ZC3H13: variants seen among roughly 807,000 people sequenced by gnomAD.
ZC3H13 encodes zinc finger CCCH-type containing 13, also known as zinc finger CCCH domain-containing protein 13.
ZC3H13 carries 64 observed loss-of-function variants against 204.1 expected under a neutral mutation model. The ratio of observed to expected loss-of-function variants is 0.31; its 90% confidence interval spans 0.26 to 0.39. ZC3H13 has a LOEUF of 0.39. ZC3H13 is among the 10% of genes least tolerant of loss of function. ZC3H13 has a pLI of 1.00. For missense variants in ZC3H13, 1,833 were observed against 2,082.7 expected (o/e 0.88, Z 2.33); for synonymous variants, 667 against 693.7 (o/e 0.96, Z 0.60).
rs774851572 is a variant in ZC3H13, at chr13:45,957,190, A to G, written c.4947T>C (p.His1649=). The change falls in exon 19 of 19, where the codon CAT becomes CAC. Residue 1649 remains histidine (H), a synonymous_variant. Coordinates refer to ENST00000679008, the MANE Select transcript of ZC3H13 (RefSeq NM_001330564.2). ...AAAGTTTATTATCTTCAGTCTTTTC[A>G]TGTCCTGGAGCATGGCAAGTAGTCT... ...KRKTTCHAPG[H]EKTEDNKLSQ... 1.3e-6 allele frequency: 2 copies of G among 1,548,518 alleles called. No homozygotes were observed. Among genetic ancestry groups the G allele is most frequent in the Admixed American group, 2.0e-5 (1 of 50,876 alleles).
At chr13:45,991,583 A>G (rs921290369) in intron 8 of ZC3H13, among the ~76,000 whole-genome samples, 1 of 152,240 alleles carries the variant, frequency 6.6e-6, no homozygotes, top group South Asian at 2.1e-4. Flanking sequence ...CACTTAGAAT[A>G]GAAGTAACTT....
rs950530608 is a variant in ZC3H13 at position 45,956,354 on chromosome 13, A to C, written c.*773T>G. The C allele has an allele frequency of 2.6e-5, 4 of 152,184 alleles. No individual in the cohort carries two copies. The highest frequency in any genetic ancestry group is 5.9e-5 in the Non-Finnish European group (4 of 68,008). The allele number at this position is 152,184 out of a possible 1,614,324, so 9.4% of individuals were successfully genotyped here. On this transcript the variant is annotated 3_prime_UTR_variant, in exon 19 of 19. Coordinates refer to ENST00000679008, the MANE Select transcript of ZC3H13 (RefSeq NM_001330564.2). ...TCCAACAATAAGGACACAAGCAGTAAAATATCTGAAGCATGAAACATGTAA... is the reference window on the plus strand; with the variant it reads ...TCCAACAATAAGGACACAAGCAGTACAATATCTGAAGCATGAAACATGTAA...
chr13:46,012,709 G>C (rs952647700), intron 5 of ZC3H13, among the ~76,000 whole-genome samples: 5 of 152,088 alleles, frequency 3.3e-5, no homozygotes, highest in African/African-American at 1.2e-4. Flanking sequence ...TTTTCAGTCA[G>C]AAAGCAATTA....
chr13:45,985,723 C>T lies in ZC3H13; in HGVS notation c.1294G>A (p.Glu432Lys). Residue 432 changes from glutamate to lysine, a missense_variant, in exon 10 of 19, where the codon GAA becomes AAA. Transcript: ENST00000679008. ...GKRDREKDSR[E>K]EREYEQDQSS... ...TGATCCTGTTCATATTCTCGTTCTT[C>T]TCTTGAGTCCTTTTCTCTGTCTCGT... 6.2e-7 allele frequency: 1 copy of T among 1,612,838 alleles called. No homozygotes were observed. Among genetic ancestry groups the T allele is most frequent in the Non-Finnish European group, 8.5e-7 (1 of 1,179,662 alleles).
chr13:45,962,935 C>A, intron 17 of ZC3H13: 1 of 985,362 alleles, frequency 1.0e-6, no homozygotes, highest in Non-Finnish European at 1.2e-6. Flanking sequence ...AACCAAACAA[C>A]CCCTACCACC....
At position 45,969,469 on chromosome 13, in the gene ZC3H13, A is replaced by T. The variant is rs777375626; in HGVS notation, c.3075T>A (p.Ser1025Arg). Residue 1025 changes from serine to arginine, a missense_variant, in exon 14 of 19, where the codon AGT becomes AGA. Around this residue, in one of 5 missense-constraint regions of ZC3H13, gnomAD observed 1,574 missense variants for 1,757.2 expected, o/e 0.90. Transcript: ENST00000679008. ...GAGTCCGTGGGCCTCTTTTCTTCTT[A>T]CTTTGCTGGGCTGCTTCTTCATCAG... ...DISDEEAAQQ[S>R]KKKRGPRTPP... 1 of 1,612,864 alleles carries T rather than the reference A, an allele frequency of 6.2e-7. No individual in the cohort carries two copies. Among genetic ancestry groups the T allele is most frequent in the Non-Finnish European group, 8.5e-7 (1 of 1,179,730 alleles).
chr13:45,989,186 T>C lies in ZC3H13; in HGVS notation c.945-89A>G, dbSNP rs2039787017. ...ATCTTTAAAAACAAAAAAGTGAATA[T>C]GAAAGTATAGACAATAACTTCAGAA... is the stretch of plus-strand genomic sequence containing the variant. On this transcript the variant is annotated intron_variant, in intron 8 of 18. Coordinates refer to ENST00000679008, the MANE Select transcript of ZC3H13 (RefSeq NM_001330564.2). 4.0e-6 allele frequency: 5 copies of C among 1,249,404 alleles called. No individual in the cohort carries two copies. The East Asian group carries it at 7.5e-5, about 19-fold the overall frequency. The allele number at this position is 1,249,404 out of a possible 1,614,324, so 77.4% of individuals were successfully genotyped here. A position where few individuals can be genotyped will look rare whatever the true frequency, so the allele number is the denominator to read the frequency against.
At chr13:46,025,464 C>T (rs138560706) in intron 4 of ZC3H13, among the ~76,000 whole-genome samples, 23 of 152,032 alleles carry the variant, frequency 1.5e-4, no homozygotes, top group African/African-American at 5.3e-4. Context: ...ACCACTACGC[C>T]CAGCTAATTA....
Position 45,956,517 on chromosome 13 carries a change from G to A in ZC3H13, c.*610C>T, listed in dbSNP as rs1035875925. 1.3e-5 allele frequency: 2 copies of A among 151,864 alleles called. No homozygotes were observed. Among genetic ancestry groups the A allele is most frequent in the African/African-American group, 4.8e-5 (2 of 41,330 alleles). 9.4% of individuals were successfully genotyped at this position (151,864 alleles called of 1,614,324 possible). A position where few individuals can be genotyped will look rare whatever the true frequency, so the allele number is the denominator to read the frequency against. ...TCTGATAACAAAAAAAGCATTTAGG[G>A]TCAAAAGACATCCAACATACATTGT... On this transcript the variant is annotated 3_prime_UTR_variant, in exon 19 of 19. Transcript: ENST00000679008.
At chr13:45,959,759 T>C in intron 17 of ZC3H13, 113 bp from the exon 18 acceptor site, 1 of 1,197,698 alleles carries the variant, frequency 8.3e-7, no homozygotes, top group Non-Finnish European at 1.1e-6. Context: ...GCAACATTGG[T>C]GAAAATTATT....
intron 5 of ZC3H13, 47 bp downstream of exon 5, chr13:46,020,402 G>A: frequency 1.4e-6 from 2 of 1,445,136 alleles, no homozygotes; most frequent in Non-Finnish European, 1.9e-6. Context: ...ACTCTAGAAA[G>A]TAAATAATCA....
chr13:46,020,679 AAT>A lies in ZC3H13; in HGVS notation c.340-124_340-123del, dbSNP rs1490415906. 4.5e-6 allele frequency: 3 copies of A among 664,404 alleles called. No individual in the cohort carries two copies. The East Asian group carries it at 9.0e-5, about 20-fold the overall frequency. 41.2% of individuals were successfully genotyped at this position (664,404 alleles called of 1,614,324 possible). The stretch of plus-strand genomic sequence containing the variant: ...GTTTCATCAAAGAATCAGTTTTGTA[AAT>A]AGTCACTTATCCACTAAGTAGAGAA... On this transcript the variant is annotated intron_variant, in intron 4 of 18. Transcript: ENST00000679008.
chr13:45,978,285 C>CAAGTGCCTAGCA (rs1953237288), intron 11 of ZC3H13, among the ~76,000 whole-genome samples: 1 of 152,020 alleles, frequency 6.6e-6, no homozygotes, highest in South Asian at 2.1e-4. Context: ...TATTGTACCT[C>CAAGTGCCTAGCA]AAGTGCCTAG....
Position 45,965,427 on chromosome 13 carries a change from C to T in ZC3H13, c.4327G>A (p.Asp1443Asn). 2 of 1,612,404 alleles carry T rather than the reference C, an allele frequency of 1.2e-6. No individual in the cohort carries two copies. The highest frequency in any genetic ancestry group is 1.1e-5 in the South Asian group (1 of 90,816). The change falls in exon 16 of 19, where the codon GAT (aspartate) becomes AAT (asparagine). Residue 1443 changes from aspartate (D) to asparagine (N), a missense_variant. Around this residue, in one of 5 missense-constraint regions of ZC3H13, gnomAD observed 1,574 missense variants for 1,757.2 expected, o/e 0.90. Coordinates refer to ENST00000679008, the MANE Select transcript of ZC3H13 (RefSeq NM_001330564.2). ...SERTESLEAG[D>N]DESKLDDAHS... ...GCATCATCTAACTTGGACTCGTCATCTCCTGCTAAATAGACAAATTAATTT... is the reference window on the plus strand; with the variant it reads ...GCATCATCTAACTTGGACTCGTCATTTCCTGCTAAATAGACAAATTAATTT...
At chr13:46,033,950 A>G (rs1006316203) in intron 4 of ZC3H13, among the ~76,000 whole-genome samples, 1 of 152,168 alleles carries the variant, frequency 6.6e-6, no homozygotes, top group African/African-American at 2.4e-5. Context: ...ACAGAATATT[A>G]CCAATTGGTA....
chr13:45,997,468 G>A (rs2040423054), intron 8 of ZC3H13, among the ~76,000 whole-genome samples: 1 of 152,042 alleles, frequency 6.6e-6, no homozygotes, highest in South Asian at 2.1e-4. Flanking sequence ...CACATACACA[G>A]GCAAAGTTTT....
chr13:46,046,218 A>G (rs1367519915), intron 1 of ZC3H13, among the ~76,000 whole-genome samples: 2 of 152,212 alleles, frequency 1.3e-5, no homozygotes, highest in African/African-American at 4.8e-5. Flanking sequence ...TCTATAATCT[A>G]TACTACACTG....
chr13:45,967,374 C>G (rs904089736), intron 15 of ZC3H13, 130 bp downstream of exon 15: 11 of 1,029,464 alleles, frequency 1.1e-5, no homozygotes, highest in African/African-American at 1.6e-5. Flanking sequence ...AAATCTACTT[C>G]CTCTATAGAA....
chr13:45,992,613 C>T (rs1162141078), intron 8 of ZC3H13, among the ~76,000 whole-genome samples: 2 of 152,168 alleles, frequency 1.3e-5, no homozygotes, highest in African/African-American at 4.8e-5. Flanking sequence ...AAATTTGCAA[C>T]TTCTGACATA....
Sources: allele counts gnomAD v4.1 joint callset (sites outside exome capture counted in the v4.1 genomes callset), GRCh38; gene constraint gnomAD v4.1.1; regional missense constraint gnomAD v4.1.1; transcripts MANE v1.5; gene names NCBI Gene and HGNC (gene_info 2026-07-23, HGNC 2026-07-21).